Variants in CARS2 observed in about 807,000 individuals in gnomAD.
CARS2 encodes the protein cysteinyl-tRNA synthetase 2, mitochondrial, also known as probable cysteine--tRNA ligase, mitochondrial.
CARS2 carries 52 observed loss-of-function variants against 68.8 expected under a neutral mutation model. The ratio of observed to expected loss-of-function variants is 0.76; its 90% CI spans 0.61 to 0.95. The LOEUF is 0.95. Ranked by LOEUF, CARS2 falls within the 40% of genes least tolerant of loss-of-function variation. CARS2 has a pLI of 0.00. For synonymous variants in CARS2, 314 were observed against 303.6 expected, an observed-to-expected ratio of 1.03 and a Z score of -0.36; for missense variants, 780 against 754.2, an observed-to-expected ratio of 1.03 and a Z score of -0.40.
intron 6 of CARS2, among the ~76,000 whole-genome samples, chr13:110,678,757 C>T (rs750489156): frequency 1.3e-5 from 2 of 152,080 alleles, no homozygotes; most frequent in Non-Finnish European, 2.9e-5. Flanking sequence ...ATACTGTTCC[C>T]GAGAAAGGGC....
At chr13:110,684,436 G>A (rs1358785689) in intron 5 of CARS2, among the ~76,000 whole-genome samples, 3 of 151,706 alleles carry the variant, frequency 2.0e-5, no homozygotes, top group African/African-American at 7.3e-5. Context: ...TCCCCCTCCT[G>A]TCCTCTGGTT....
At chr13:110,646,951 TC>T in intron 11 of CARS2, 149 bp downstream of exon 11, 1 of 920,512 alleles carries the variant, frequency 1.1e-6, no homozygotes, top group South Asian at 1.9e-5. Context: ...GCACCCTGTC[TC>T]CTGGGGCCTC....
At chr13:110,696,223 A>G (rs1009689348) in intron 3 of CARS2, among the ~76,000 whole-genome samples, 6 of 152,228 alleles carry the variant, frequency 3.9e-5, no homozygotes, top group African/African-American at 1.2e-4. Context: ...CAGTGCTGCA[A>G]TAAACATACG....
At chr13:110,692,103 T>TAC (rs2063486144) in intron 3 of CARS2, among the ~76,000 whole-genome samples, 1 of 146,586 alleles carries the variant, frequency 6.8e-6, no homozygotes, top group Non-Finnish European at 1.5e-5. Flanking sequence ...CATATATACA[T>TAC]ATATATATAT....
intron 3 of CARS2, among the ~76,000 whole-genome samples, chr13:110,691,102 G>A (rs1343081363): frequency 2.6e-5 from 4 of 152,098 alleles, no homozygotes; most frequent in Non-Finnish European, 4.4e-5. Flanking sequence ...TGCAACCTCC[G>A]CCTCCCGGGC....
chr13:110,698,591 C>T (rs1299195183), intron 3 of CARS2, among the ~76,000 whole-genome samples: 1 of 151,726 alleles, frequency 6.6e-6, no homozygotes, highest in African/African-American at 2.4e-5. Flanking sequence ...AATGTTTGTC[C>T]CCTCCAAAAC....
intron 9 of CARS2, among the ~76,000 whole-genome samples, chr13:110,658,910 T>C (rs1374226342): frequency 1.3e-5 from 2 of 152,046 alleles, no homozygotes; most frequent in South Asian, 2.1e-4. Context: ...GCCTGGGTGA[T>C]AGTGAGACTA....
At chr13:110,663,954 G>A (rs1566676842) in intron 8 of CARS2, 2 of 992,038 alleles carry the variant, frequency 2.0e-6, no homozygotes, top group East Asian at 1.1e-4. Context: ...TCCAAAAACA[G>A]AGTGGCACTT....
chr13:110,651,241 A>G, intron 9 of CARS2, 141 bp from the exon 10 acceptor site: 1 of 582,398 alleles, frequency 1.7e-6, no homozygotes, highest in Admixed American at 3.5e-5. Flanking sequence ...GAGCCCTCCA[A>G]ACTCACAATT....
intron 9 of CARS2, among the ~76,000 whole-genome samples, chr13:110,655,230 G>T (rs1172802953): frequency 1.3e-5 from 2 of 150,396 alleles, no homozygotes; most frequent in East Asian, 3.9e-4. Flanking sequence ...CAGAGTACAG[G>T]TCTCACAAAC....
At chr13:110,713,221 T>G in exon 1 of CARS2, 1 of 1,416,850 alleles carries the variant, frequency 7.1e-7, no homozygotes, top group Non-Finnish European at 9.2e-7. Context: ...CCAGTTCTGT[T>G]TCGGGCCCTA....
intron 3 of CARS2, among the ~76,000 whole-genome samples, chr13:110,689,771 G>A (rs1353077615): frequency 1.3e-5 from 2 of 152,188 alleles, no homozygotes; most frequent in Non-Finnish European, 2.9e-5. Context: ...CCCCTCTCCT[G>A]CGGTACAGTT....
At chr13:110,651,539 C>T (rs930881443) in intron 9 of CARS2, among the ~76,000 whole-genome samples, 2 of 152,252 alleles carry the variant, frequency 1.3e-5, no homozygotes, top group African/African-American at 4.8e-5. Context: ...GAACGTCAGA[C>T]CCGGCTGACC....
In CARS2 at chr13:110,641,450, C is replaced by G. The variant is rs138215972; in HGVS notation, c.*87G>C. 284 of 1,097,568 alleles carry G rather than the reference C, an allele frequency of 2.6e-4. No homozygotes were observed. The Middle Eastern group carries it at 0.011, about 42-fold the overall frequency. 68.0% of individuals were successfully genotyped at this position (1,097,568 alleles called of 1,614,324 possible). A position where few individuals can be genotyped will look rare whatever the true frequency, so the allele number is the denominator to read the frequency against. On this transcript the variant is annotated 3_prime_UTR_variant, in exon 15 of 15. Transcript: ENST00000257347. ...CTTACTTTAATGCTGACCTAGCAGC[C>G]CCGACAGGAAGCTTTAACATAAAGC...
intron 10 of CARS2, among the ~76,000 whole-genome samples, chr13:110,647,937 T>A (rs1388696718): frequency 6.6e-6 from 1 of 152,200 alleles, no homozygotes; most frequent in Non-Finnish European, 1.5e-5. Flanking sequence ...TCCCAGGCTG[T>A]CTGAGTCCAC....
At position 110,685,155 on chromosome 13, in the gene CARS2, T is replaced by C. The variant is rs536434175; in HGVS notation, c.572-2021A>G. ...AAAAATTAATTCCTGTGTTTTCTGG[T>C]GCAAACTCTAATTCAACCACCTAAG... is the stretch of plus-strand genomic sequence containing the variant. On this transcript the variant is annotated intron_variant, in intron 5 of 14. Transcript: ENST00000257347. Among the ~76,000 whole-genome samples the C allele has an allele frequency of 3.3e-5, 5 of 152,230 alleles. No individual in the cohort carries two copies. In the East Asian group the frequency reaches 9.7e-4, roughly 29 times the overall value.
intron 10 of CARS2, chr13:110,650,820 C>G (rs372742908): frequency 2.0e-6 from 1 of 508,252 alleles, no homozygotes; most frequent in South Asian, 2.7e-5. Context: ...TCGAGCTTGA[C>G]GAGGAAGCCC....
At chr13:110,689,392 C>T (rs934472407) in intron 3 of CARS2, among the ~76,000 whole-genome samples, 1 of 152,204 alleles carries the variant, frequency 6.6e-6, no homozygotes, top group African/African-American at 2.4e-5. Flanking sequence ...CTTTCTCAAG[C>T]GCAACGCCAC....
chr13:110,679,884 T>C (rs74125037), intron 6 of CARS2, among the ~76,000 whole-genome samples: 12,449 of 152,138 alleles, frequency 0.082, 1,195 homozygotes, highest in African/African-American at 0.23. Flanking sequence ...AATAAGGTGA[T>C]GGCAGCAATG....
Sources: gnomAD v4.1 joint callset for allele counts (sites outside exome capture counted in the v4.1 genomes callset) on GRCh38, gnomAD v4.1.1 for gene constraint, MANE v1.5 for transcripts, NCBI Gene and HGNC (gene_info 2026-07-23, HGNC 2026-07-21) for gene names.